AK7: variants seen among roughly 807,000 people sequenced by gnomAD.
AK7 encodes adenylate kinase 7, also known as ATP-AMP transphosphorylase 7.
Under a neutral mutation model 96.6 loss-of-function variants are expected in AK7, and 78 were observed. The ratio of observed to expected loss-of-function variants is 0.81; its 90% CI spans 0.67 to 0.97. The LOEUF (loss-of-function observed/expected upper bound fraction) is 0.97, where lower values mean the gene tolerates loss of function less well. AK7 is among the 50% of genes least tolerant of loss of function. The probability of loss-of-function intolerance (pLI) is 0.00; values close to 1 mark genes in which losing one functional copy is unlikely to be tolerated. For synonymous variants in AK7, 302 were observed against 317.2 expected, an observed-to-expected ratio of 0.95 and a Z score of 0.51; for missense variants, 855 against 887.9, an observed-to-expected ratio of 0.96 and a Z score of 0.47.
chr14:96,472,779 C>T lies in AK7; in HGVS notation c.1555+24C>T, dbSNP rs368967733. ...TGGTAAGTTTATTTCCCTAAGATCA[C>T]ATTTAAAAGAATGTTCTCTGGGCTG... is the stretch of plus-strand genomic sequence containing the variant. On this transcript the variant is annotated intron_variant, in intron 14 of 17. Transcript: ENST00000267584. 107 of 1,581,732 alleles carry T rather than the reference C, an allele frequency of 6.8e-5. No homozygotes were observed. In the Middle Eastern group the frequency reaches 1.2e-3, roughly 17 times the overall value.
chr14:96,479,192 T>C (rs1895369089), intron 15 of AK7, among the ~76,000 whole-genome samples: 2 of 152,024 alleles, frequency 1.3e-5, no homozygotes, highest in African/African-American at 2.4e-5. Context: ...TTCTCCTGCC[T>C]CAGCCTCCCG....
Position 96,398,111 on chromosome 14 carries a change from G to A in AK7, c.142G>A (p.Glu48Lys). The A allele has an allele frequency of 6.2e-7, 1 of 1,614,128 alleles. No individual in the cohort carries two copies. Among genetic ancestry groups the A allele is most frequent in the African/African-American group, 1.3e-5 (1 of 75,046 alleles). Residue 48 changes from glutamate (E) to lysine (K), a missense_variant, in exon 2 of 18, where the codon GAA becomes AAA. Transcript: ENST00000267584. ...CTGTGTAGTTGGGGCTTCGCTTGAA[G>A]AAATTACAGAGGAAGAGGAAGAGGA... ...SNCVVGASLE[E>K]ITEEEEEEDE...
chr14:96,418,434 G>C (rs147595524), intron 4 of AK7, among the ~76,000 whole-genome samples: 3 of 149,054 alleles, frequency 2.0e-5, no homozygotes, highest in Non-Finnish European at 4.4e-5. Flanking sequence ...CTCACCTACC[G>C]CATCCCCTAC....
intron 2 of AK7, among the ~76,000 whole-genome samples, chr14:96,400,493 A>C (rs904296984): frequency 6.6e-6 from 1 of 152,240 alleles, no homozygotes; most frequent in Non-Finnish European, 1.5e-5. Flanking sequence ...TTATGTAGCT[A>C]GTGGCCCAGA....
rs193144147 is a variant in AK7 at position 96,467,466 on chromosome 14, G to A, written c.1358-4012G>A. Among the ~76,000 whole-genome samples the A allele has an allele frequency of 6.3e-3, 955 of 152,022 alleles. 37 individuals carry two copies. Among genetic ancestry groups the A allele is most frequent in the Admixed American group, 0.058 (880 of 15,278 alleles). On this transcript the variant is annotated intron_variant, in intron 12 of 17. Coordinates refer to ENST00000267584, the MANE Select transcript of AK7 (RefSeq NM_152327.5). ...TTCTCCTGCCTCAGCCTCCCGAGTC[G>A]CTGGGACTACAGGCGCACGCCACCA...
chr14:96,421,026 T>C, intron 5 of AK7, 94 bp downstream of exon 5: 5 of 841,950 alleles, frequency 5.9e-6, no homozygotes, highest in Non-Finnish European at 9.5e-6. Flanking sequence ...ATGTCTGAGC[T>C]TTAGGCTCAC....
intron 4 of AK7, among the ~76,000 whole-genome samples, chr14:96,411,245 C>G (rs928564862): frequency 1.3e-5 from 2 of 152,140 alleles, no homozygotes; most frequent in African/African-American, 2.4e-5. Context: ...CCCAGTGGCT[C>G]ACACCTATAA....
intron 14 of AK7, among the ~76,000 whole-genome samples, chr14:96,478,080 A>G (rs1472222283): frequency 6.6e-6 from 1 of 152,084 alleles, no homozygotes; most frequent in African/African-American, 2.4e-5. Context: ...GTGAAAATTA[A>G]CTAGGAAGCT....
At chr14:96,410,177 G>C (rs567988087) in intron 4 of AK7, among the ~76,000 whole-genome samples, 3 of 152,166 alleles carry the variant, frequency 2.0e-5, no homozygotes, top group Non-Finnish European at 4.4e-5. Flanking sequence ...AACCCCTTGA[G>C]GGCAGGGACC....
At chr14:96,403,126 A>G (rs1890513895) in intron 2 of AK7, among the ~76,000 whole-genome samples, 1 of 150,640 alleles carries the variant, frequency 6.6e-6, no homozygotes, top group African/African-American at 2.4e-5. Flanking sequence ...AAATAAATAA[A>G]TAAATAAATA....
At chr14:96,448,147 A>T (rs1390395390) in intron 8 of AK7, among the ~76,000 whole-genome samples, 1 of 151,568 alleles carries the variant, frequency 6.6e-6, no homozygotes, top group Non-Finnish European at 1.5e-5. Context: ...AAAAAAGAAA[A>T]GAAATTCAGT....
chr14:96,453,991 T>C (rs956063090), intron 10 of AK7, among the ~76,000 whole-genome samples: 5 of 151,992 alleles, frequency 3.3e-5, no homozygotes, highest in Admixed American at 6.6e-5. Flanking sequence ...CCTGCCATCA[T>C]CCCTATCTGA....
intron 15 of AK7, among the ~76,000 whole-genome samples, chr14:96,482,463 C>T (rs1488790271): frequency 2.7e-5 from 4 of 150,452 alleles, no homozygotes; most frequent in Admixed American, 2.0e-4. Flanking sequence ...ATCAATACAC[C>T]ATTTCTCTTT....
rs1231840529 is a variant in AK7 at position 96,488,398 on chromosome 14, ACTTTGAAAAATTG to A, written c.*67_*79del. 16 of 1,497,656 alleles carry A rather than the reference ACTTTGAAAAATTG, an allele frequency of 1.1e-5. No individual in the cohort carries two copies. The highest frequency in any genetic ancestry group is 1.4e-5 in the African/African-American group (1 of 71,106). 92.8% of individuals were successfully genotyped at this position (1,497,656 alleles called of 1,614,324 possible). A position where few individuals can be genotyped will look rare whatever the true frequency, so the allele number is the denominator to read the frequency against. ...TACAGAACCACAGATCACTTATTAT[ACTTTGAAAAATTG>A]CTTTGAAAAATGCTTTTCCAGTTCT... On this transcript the variant is annotated 3_prime_UTR_variant, in exon 18 of 18. Transcript: ENST00000267584.
intron 8 of AK7, among the ~76,000 whole-genome samples, chr14:96,449,393 T>A (rs1424473743): frequency 6.6e-6 from 1 of 152,064 alleles, no homozygotes; most frequent in African/African-American, 2.4e-5. Flanking sequence ...TTTAAAAAAA[T>A]TCAATTATGT....
rs570835656 is a variant in AK7, at chr14:96,447,487, A to G, written c.870+880A>G. 2.0e-5 allele frequency among the ~76,000 whole-genome samples: 3 copies of G among 151,650 alleles called. No homozygotes were observed. In the South Asian group the frequency reaches 6.3e-4, roughly 32 times the overall value. On this transcript the variant is annotated intron_variant, in intron 8 of 17. Coordinates refer to ENST00000267584, the MANE Select transcript of AK7 (RefSeq NM_152327.5). The stretch of plus-strand genomic sequence containing the variant: ...GCACCACCGTACCTGGCTAATTTTC[A>G]TTCTTTTTCTTTTTTTGTCAAAATG...
chr14:96,419,849 C>T (rs1254158948), intron 4 of AK7, among the ~76,000 whole-genome samples: 2 of 130,430 alleles, frequency 1.5e-5, no homozygotes, highest in Non-Finnish European at 3.1e-5. Context: ...AGTGCAATGG[C>T]GCGATTTCGG....
At chr14:96,403,293 AG>A (rs1298400773) in intron 2 of AK7, among the ~76,000 whole-genome samples, 1 of 151,924 alleles carries the variant, frequency 6.6e-6, no homozygotes, top group African/African-American at 2.4e-5. Context: ...ATACAAGACG[AG>A]GAACAGATTG....
At chr14:96,447,875 C>T (rs1893335500) in intron 8 of AK7, among the ~76,000 whole-genome samples, 2 of 152,128 alleles carry the variant, frequency 1.3e-5, no homozygotes, top group African/African-American at 4.8e-5. Context: ...GCTAGTGCAG[C>T]CTTCTCCTGC....
Sources: gnomAD v4.1 joint callset for allele counts (sites outside exome capture counted in the v4.1 genomes callset) on GRCh38, gnomAD v4.1.1 for gene constraint, MANE v1.5 for transcripts, NCBI Gene and HGNC (gene_info 2026-07-23, HGNC 2026-07-21) for gene names.